The following PC variants were observed in gnomAD, a reference collection of about 807,000 sequenced individuals.
PC encodes pyruvate carboxylase, mitochondrial.
A neutral mutation model predicts 107.8 loss-of-function variants in PC; 46 were observed. That is an observed-to-expected ratio of 0.43 (90% CI 0.34 to 0.55). PC has a LOEUF of 0.55. Ranked by LOEUF, PC falls within the 20% of genes least tolerant of loss-of-function variation. The probability of loss-of-function intolerance (pLI) is 0.04; values close to 1 mark genes in which losing one functional copy is unlikely to be tolerated. For missense variants in PC, 1,241 were observed against 1,643.1 expected (o/e 0.76, Z 4.23); for synonymous variants, 662 against 684.7 (o/e 0.97, Z 0.52).
chr11:66,868,163 G>T (rs1461768196), intron 10 of PC, among the ~76,000 whole-genome samples: 1 of 152,220 alleles, frequency 6.6e-6, no homozygotes, highest in Non-Finnish European at 1.5e-5. Context: ...CTGTTGAAGG[G>T]TTTACCCTCA....
intron 1 of PC, among the ~76,000 whole-genome samples, chr11:66,956,226 G>A (rs1327711633): frequency 6.6e-6 from 1 of 152,140 alleles, no homozygotes; most frequent in Non-Finnish European, 1.5e-5. Context: ...CAACAGTGAA[G>A]CTGTTTCCCC....
chr11:66,852,626 C>T lies in PC; in HGVS notation c.1638G>A (p.Leu546=), dbSNP rs757659906. ...GAGCAAAGCCCTCAGGCCCCTCTCG[C>T]AGCAGGATGTCTCTGAAACCAGCCG... ...PPPAGFRDIL[L]REGPEGFARA... Residue 546 remains leucine (L), a synonymous_variant, in exon 15 of 23, where the codon CTG becomes CTA. Coordinates refer to ENST00000393960, the MANE Select transcript of PC (RefSeq NM_001040716.2). The surrounding 1 kb of genome is among the most constrained non-coding windows in gnomAD (Gnocchi z 4.7). The T allele has an allele frequency of 5.0e-6, 8 of 1,613,752 alleles. No homozygotes were observed. The highest frequency in any genetic ancestry group is 6.8e-6 in the Non-Finnish European group (8 of 1,179,870).
chr11:66,937,720 T>C (rs1949032826), intron 3 of PC, among the ~76,000 whole-genome samples: 1 of 152,078 alleles, frequency 6.6e-6, no homozygotes, highest in Admixed American at 6.6e-5. Flanking sequence ...GTTCAGCCTC[T>C]AGTGAATTTT....
chr11:66,939,622 C>T (rs772293019), intron 3 of PC, among the ~76,000 whole-genome samples: 12 of 151,802 alleles, frequency 7.9e-5, no homozygotes, highest in Admixed American at 2.6e-4. Context: ...CTGACCAATA[C>T]GGAGAAACCC....
At chr11:66,942,645 A>T (rs1018110784) in intron 3 of PC, among the ~76,000 whole-genome samples, 3 of 152,144 alleles carry the variant, frequency 2.0e-5, no homozygotes, top group Admixed American at 2.0e-4. Context: ...GATGAAAAAA[A>T]GTCTGCAGAT....
chr11:66,914,163 T>G (rs7935749), intron 3 of PC, among the ~76,000 whole-genome samples: 2 of 151,934 alleles, frequency 1.3e-5, no homozygotes, highest in Non-Finnish European at 2.9e-5. Flanking sequence ...ATTTTTACAA[T>G]GTATTCCTGC....
chr11:66,848,451 C>T lies in PC; in HGVS notation c.*448G>A. 4 of 539,244 alleles carry T rather than the reference C, an allele frequency of 7.4e-6. No individual in the cohort carries two copies. In the South Asian group the frequency reaches 1.2e-4, roughly 16 times the overall value. 33.4% of individuals were successfully genotyped at this position (539,244 alleles called of 1,614,324 possible). A position where few individuals can be genotyped will look rare whatever the true frequency, so the allele number is the denominator to read the frequency against. On this transcript the variant is annotated 3_prime_UTR_variant, in exon 23 of 23. Coordinates refer to ENST00000393960, the MANE Select transcript of PC (RefSeq NM_001040716.2). ...GAACGACACAACTGACCTGCCCACC[C>T]ATGGGGAGCTTGAAAGGCAGCCCCC...
intron 3 of PC, among the ~76,000 whole-genome samples, chr11:66,942,606 T>G (rs190481675): frequency 6.6e-6 from 1 of 151,878 alleles, no homozygotes; most frequent in Non-Finnish European, 1.5e-5. Flanking sequence ...GAGTCAGGAT[T>G]TAAGGGTTAC....
chr11:66,934,163 G>A (rs1348512548), intron 3 of PC, among the ~76,000 whole-genome samples: 1 of 152,052 alleles, frequency 6.6e-6, no homozygotes, highest in Non-Finnish European at 1.5e-5. Context: ...TCACACATGC[G>A]AGGACCAGCT....
At chr11:66,934,998 C>T (rs1168903865) in intron 3 of PC, among the ~76,000 whole-genome samples, 1 of 152,230 alleles carries the variant, frequency 6.6e-6, no homozygotes, top group Non-Finnish European at 1.5e-5. Flanking sequence ...AGTCACTATG[C>T]AAGCATGTAT....
intron 3 of PC, among the ~76,000 whole-genome samples, chr11:66,873,517 ATTATATATTAT>A (rs1946855176): frequency 1.0e-3 from 2 of 1,926 alleles, no homozygotes; most frequent in African/African-American, 1.6e-3. Context: ...TATATATTAT[ATTATATATTAT>A]AATATATATT....
intron 3 of PC, among the ~76,000 whole-genome samples, chr11:66,878,759 G>A (rs1035250399): frequency 6.6e-6 from 1 of 152,224 alleles, no homozygotes; most frequent in African/African-American, 2.4e-5. Flanking sequence ...AGCTCTTTGG[G>A]TGGCAGCATG....
chr11:66,853,208 GA>G, intron 13 of PC, 30 bp downstream of exon 13: 1 of 1,608,694 alleles, frequency 6.2e-7, no homozygotes, highest in Non-Finnish European at 8.5e-7. Flanking sequence ...GAGGGGAGGG[GA>G]GGGCAGGGCA....
At chr11:66,907,364 C>A (rs370733521) in intron 3 of PC, among the ~76,000 whole-genome samples, 1 of 152,044 alleles carries the variant, frequency 6.6e-6, no homozygotes, top group South Asian at 2.1e-4. Flanking sequence ...CCCGTCTCTA[C>A]GAAAAATACA....
At chr11:66,899,854 T>G (rs1403274960) in intron 3 of PC, among the ~76,000 whole-genome samples, 1 of 152,236 alleles carries the variant, frequency 6.6e-6, no homozygotes. Context: ...AGAATTACAC[T>G]TATTTTTCTC....
intron 3 of PC, among the ~76,000 whole-genome samples, chr11:66,875,574 CA>C (rs1260446163): frequency 1.3e-5 from 2 of 152,008 alleles, no homozygotes; most frequent in Non-Finnish European, 1.5e-5. Flanking sequence ...AGAAGGAGCC[CA>C]GGGGGGATGC....
chr11:66,932,417 A>G (rs543287830), intron 3 of PC, among the ~76,000 whole-genome samples: 22 of 152,248 alleles, frequency 1.4e-4, no homozygotes, highest in Middle Eastern at 3.4e-3. Context: ...AATGATTTCA[A>G]TGGGAGGGTA....
chr11:66,953,975 C>T (rs917897945), intron 2 of PC, among the ~76,000 whole-genome samples: 1 of 152,244 alleles, frequency 6.6e-6, no homozygotes, highest in Non-Finnish European at 1.5e-5. Flanking sequence ...GCCGTCACCA[C>T]CACACAGTAG....
In PC at chr11:66,920,933, G is replaced by C. The variant is rs191476220; in HGVS notation, c.-1+31497C>G. On this transcript the variant is annotated intron_variant, in intron 3 of 22. Transcript: ENST00000393960. ...GGTGCCTGTAGTCCCAGCCACTCAG[G>C]AGGCTGAGACAGGAGAATTGCTTAA... 4.9e-3 allele frequency among the ~76,000 whole-genome samples: 740 copies of C among 152,146 alleles called. 27 individuals are homozygous for C. Among genetic ancestry groups the C allele is most frequent in the Non-Finnish European group, 1.9e-3 (128 of 68,008 alleles).
Sources: allele counts gnomAD v4.1 joint callset (sites outside exome capture counted in the v4.1 genomes callset), GRCh38; gene constraint gnomAD v4.1.1; non-coding constraint Gnocchi (gnomAD v3.1); transcripts MANE v1.5; gene names NCBI Gene and HGNC (gene_info 2026-07-23, HGNC 2026-07-21).